MLLT1: variants seen among roughly 807,000 people sequenced by gnomAD.
MLLT1 encodes the protein protein ENL.
Under a neutral mutation model 55.1 loss-of-function variants are expected in MLLT1, and 11 were observed. The observed-to-expected ratio is 0.20, with a 90% CI of 0.13 to 0.33. The LOEUF (loss-of-function observed/expected upper bound fraction) is 0.33, where lower values mean the gene tolerates loss of function less well. Among genes scored for constraint, MLLT1 ranks in the 10% least tolerant of loss-of-function variants. The pLI is 1.00. For missense variants in MLLT1, 536 were observed against 760.6 expected, an observed-to-expected ratio of 0.70 and a Z score of 3.47; for synonymous variants, 323 against 320.1, an observed-to-expected ratio of 1.01 and a Z score of -0.10.
Position 6,222,083 on chromosome 19 carries a change from G to T in MLLT1, c.1110+38C>A. 6.9e-7 allele frequency: 1 copy of T among 1,448,722 alleles called. No individual in the cohort carries two copies. The highest frequency in any genetic ancestry group is 9.1e-7 in the Non-Finnish European group (1 of 1,094,344). The allele number at this position is 1,448,722 out of a possible 1,614,324, so 89.7% of individuals were successfully genotyped here. ...GAAGGGAGGCGGGTCCCACCACACTGCCTGCACCTGGCTGCCCTGCCCCCA... is the reference window on the plus strand; with the variant it reads ...GAAGGGAGGCGGGTCCCACCACACTTCCTGCACCTGGCTGCCCTGCCCCCA... On this transcript the variant is annotated intron_variant, in intron 6 of 11. Coordinates refer to ENST00000252674, the MANE Select transcript of MLLT1 (RefSeq NM_005934.4). This position sits in a 1 kb window ranked among gnomAD's most constrained non-coding sequence, Gnocchi z 4.1.
chr19:6,230,733 A>C lies in MLLT1; in HGVS notation c.277-20T>G, dbSNP rs2091001380. Reference sequence around the variant, plus strand: ...CTCCTCCTGAAACAGAGAAAACAAGAAAGTCTGCATCAGAGGGTGGCCGTG... The same window carrying C: ...CTCCTCCTGAAACAGAGAAAACAAGCAAGTCTGCATCAGAGGGTGGCCGTG... On this transcript the variant is annotated intron_variant, in intron 3 of 11. Coordinates refer to ENST00000252674, the MANE Select transcript of MLLT1 (RefSeq NM_005934.4). The surrounding 1 kb of genome is among the most constrained non-coding windows in gnomAD (Gnocchi z 9.0). 3.1e-6 allele frequency: 5 copies of C among 1,613,470 alleles called. No homozygotes were observed. In the African/African-American group the frequency reaches 5.3e-5, roughly 17 times the overall value.
chr19:6,246,508 G>C (rs764784707), intron 3 of MLLT1, among the ~76,000 whole-genome samples: 1 of 152,160 alleles, frequency 6.6e-6, no homozygotes, highest in Non-Finnish European at 1.5e-5. Flanking sequence ...ATCTAAGTGC[G>C]CTTTGCTAAG....
chr19:6,226,908 C>T lies in MLLT1; in HGVS notation c.546+69G>A, dbSNP rs1379818080. ...AAGGCCCAGCCCAGTGGAGGGAGGG[C>T]GCCGGGGCCAGACCCACCACAGCTG... On this transcript the variant is annotated intron_variant, in intron 5 of 11. Coordinates refer to ENST00000252674, the MANE Select transcript of MLLT1 (RefSeq NM_005934.4). This position sits in a 1 kb window ranked among gnomAD's most constrained non-coding sequence, Gnocchi z 6.3. The T allele has an allele frequency of 2.6e-5, 36 of 1,379,778 alleles. No homozygotes were observed. Among genetic ancestry groups the T allele is most frequent in the Non-Finnish European group, 3.3e-5 (35 of 1,053,404 alleles). The allele number at this position is 1,379,778 out of a possible 1,614,324, so 85.5% of individuals were successfully genotyped here.
At position 6,231,573 on chromosome 19, in the gene MLLT1, G is replaced by A. The variant is rs996020112; in HGVS notation, c.277-860C>T. On this transcript the variant is annotated intron_variant, in intron 3 of 11. Coordinates refer to ENST00000252674, the MANE Select transcript of MLLT1 (RefSeq NM_005934.4). The surrounding 1 kb of genome is among the most constrained non-coding windows in gnomAD (Gnocchi z 5.1). Reference sequence around the variant, plus strand: ...GTTGCCCAGGCTGGAGTGCAGTGGCGCGATCTCGGCTCACTGCAAGCTCCA... The same window carrying A: ...GTTGCCCAGGCTGGAGTGCAGTGGCACGATCTCGGCTCACTGCAAGCTCCA... Among the ~76,000 whole-genome samples the A allele has an allele frequency of 4.6e-5, 7 of 151,782 alleles. No individual in the cohort carries two copies. The highest frequency in any genetic ancestry group is 2.1e-4 in the South Asian group (1 of 4,818).
At chr19:6,241,575 G>A (rs182685538) in intron 3 of MLLT1, among the ~76,000 whole-genome samples, 5 of 152,354 alleles carry the variant, frequency 3.3e-5, no homozygotes, top group South Asian at 2.1e-4. Flanking sequence ...CCTCTGGGCC[G>A]TCCCACCGTC....
In MLLT1 at chr19:6,264,675, G is replaced by T. The variant is rs141160188; in HGVS notation, c.194-2365C>A. ...ATCCTAGGCACTCTGGGAGGCCGAG[G>T]TGGGAGGATCACTTGACACCAGGAG... On this transcript the variant is annotated intron_variant, in intron 2 of 11. Transcript: ENST00000252674. Among the ~76,000 whole-genome samples, 399 of 152,134 alleles carry T rather than the reference G, an allele frequency of 2.6e-3. 3 individuals carry two copies. Among genetic ancestry groups the T allele is most frequent in the Admixed American group, 4.1e-3 (62 of 15,280 alleles).
chr19:6,252,948 A>C (rs2091229687), intron 3 of MLLT1, among the ~76,000 whole-genome samples: 1 of 152,166 alleles, frequency 6.6e-6, no homozygotes, highest in Non-Finnish European at 1.5e-5. Flanking sequence ...ACATAACCTT[A>C]GAAGCAAATT....
chr19:6,270,775 G>T lies in MLLT1; in HGVS notation c.13-16C>A. The T allele has an allele frequency of 6.3e-7, 1 of 1,588,544 alleles. No homozygotes were observed. On this transcript the variant is annotated splice_polypyrimidine_tract_variant and intron_variant, in intron 1 of 11. Coordinates refer to ENST00000252674, the MANE Select transcript of MLLT1 (RefSeq NM_005934.4). This position sits in a 1 kb window ranked among gnomAD's most constrained non-coding sequence, Gnocchi z 7.1. ...GGACGGTGCACTGGAGGAGAGAGAG[G>T]TGGGGAGATGAAGTCAGCACACGCC...
In MLLT1 at chr19:6,211,447, C is replaced by T. The variant is rs1255506628; in HGVS notation, c.*1595G>A. 3.1e-6 allele frequency: 1 copy of T among 322,406 alleles called. No homozygotes were observed. Among genetic ancestry groups the T allele is most frequent in the African/African-American group, 2.1e-5 (1 of 46,832 alleles). 20.0% of individuals were successfully genotyped at this position (322,406 alleles called of 1,614,324 possible). The stretch of plus-strand genomic sequence containing the variant: ...GGGCAGCCTTGGAGGCATGGGTCCC[C>T]ACCAAGGAGTGTTCAGGATCTGCTG... On this transcript the variant is annotated 3_prime_UTR_variant, in exon 12 of 12. Transcript: ENST00000252674. This position sits in a 1 kb window ranked among gnomAD's most constrained non-coding sequence, Gnocchi z 4.6.
intron 3 of MLLT1, among the ~76,000 whole-genome samples, chr19:6,247,045 T>C (rs2091174758): frequency 6.6e-6 from 1 of 152,176 alleles, no homozygotes; most frequent in South Asian, 2.1e-4. Context: ...GGAGCCAGGT[T>C]TCCCCCTTCA....
chr19:6,211,859 T>C lies in MLLT1; in HGVS notation c.*1183A>G, dbSNP rs1429466267. ...ATCTCAGGCATACCAGGAGTGGGGC[T>C]GCGGGCGCGGCACCAGCATGAATTG... On this transcript the variant is annotated 3_prime_UTR_variant, in exon 12 of 12. Transcript: ENST00000252674. This position sits in a 1 kb window ranked among gnomAD's most constrained non-coding sequence, Gnocchi z 4.6. 11 of 1,063,944 alleles carry C rather than the reference T, an allele frequency of 1.0e-5. No homozygotes were observed. Among genetic ancestry groups the C allele is most frequent in the Non-Finnish European group, 1.1e-5 (10 of 878,390 alleles). The allele number at this position is 1,063,944 out of a possible 1,614,324, so 65.9% of individuals were successfully genotyped here. A position where few individuals can be genotyped will look rare whatever the true frequency, so the allele number is the denominator to read the frequency against.
intron 6 of MLLT1, among the ~76,000 whole-genome samples, chr19:6,218,499 G>A (rs546457401): frequency 6.6e-6 from 1 of 152,352 alleles, no homozygotes; most frequent in East Asian, 1.9e-4. Flanking sequence ...TGCTGTCCGG[G>A]GCTCAGGGGT....
intron 3 of MLLT1, among the ~76,000 whole-genome samples, chr19:6,257,553 C>T (rs1007569640): frequency 6.6e-6 from 1 of 152,216 alleles, no homozygotes; most frequent in Admixed American, 6.5e-5. Context: ...GTAATCCCAG[C>T]ACTTTGGGAG....
chr19:6,265,369 CA>C (rs1313252598), intron 2 of MLLT1, among the ~76,000 whole-genome samples: 1 of 152,128 alleles, frequency 6.6e-6, no homozygotes, highest in East Asian at 1.9e-4. Context: ...ATCATGTCAG[CA>C]CTCAAAAAGT....
At chr19:6,233,649 G>T (rs1442880311) in intron 3 of MLLT1, among the ~76,000 whole-genome samples, 2 of 152,246 alleles carry the variant, frequency 1.3e-5, no homozygotes, top group African/African-American at 4.8e-5. Context: ...GAGAGGTGGT[G>T]CCTGTGGGGG....
intron 7 of MLLT1, among the ~76,000 whole-genome samples, chr19:6,217,161 C>G (rs1270108454): frequency 6.6e-6 from 1 of 152,120 alleles, no homozygotes; most frequent in African/African-American, 2.4e-5. Context: ...ACACTTGGAG[C>G]GAGTGTAGGC....
Position 6,213,810 on chromosome 19 carries a change from C to G in MLLT1, c.1408-13G>C. 6.2e-7 allele frequency: 1 copy of G among 1,612,908 alleles called. No individual in the cohort carries two copies. The highest frequency in any genetic ancestry group is 1.1e-5 in the South Asian group (1 of 91,052). ...TCCGGCCTGACACCTGCAGGGAACC[C>G]AGGTCTCTGCTGAGCTGTGGCCCAC... On this transcript the variant is annotated splice_polypyrimidine_tract_variant and intron_variant, in intron 9 of 11. Transcript: ENST00000252674.
At position 6,230,214 on chromosome 19, in the gene MLLT1, GGCAGGGGCCCTGTGCGGAGGCCCTGCCCA is replaced by G. The variant is rs1568280980; in HGVS notation, c.420+327_420+355del. ...AGTCAGAGGTGATGGCGATGCGCAC[GGCAGGGGCCCTGTGCGGAGGCCCTGCCCA>G]GCTAGTTACAAGCCAGCTCCAGGCC... On this transcript the variant is annotated intron_variant, in intron 4 of 11. Transcript: ENST00000252674. The surrounding 1 kb of genome is among the most constrained non-coding windows in gnomAD (Gnocchi z 9.0). Among the ~76,000 whole-genome samples, 1 of 152,104 alleles carries G rather than the reference GGCAGGGGCCCTGTGCGGAGGCCCTGCCCA, an allele frequency of 6.6e-6. No individual in the cohort carries two copies. Among genetic ancestry groups the G allele is most frequent in the Non-Finnish European group, 1.5e-5 (1 of 68,002 alleles).
chr19:6,273,554 A>G lies in MLLT1; in HGVS notation c.13-2795T>C, dbSNP rs926886659. Among the ~76,000 whole-genome samples the G allele has an allele frequency of 1.3e-5, 2 of 152,214 alleles. No individual in the cohort carries two copies. Among genetic ancestry groups the G allele is most frequent in the Non-Finnish European group, 2.9e-5 (2 of 68,038 alleles). ...CGAGTGTCTGCCTGAACACCACCGC[A>G]TTCCAACAAACCCAAAACAACACTG... On this transcript the variant is annotated intron_variant, in intron 1 of 11. Coordinates refer to ENST00000252674, the MANE Select transcript of MLLT1 (RefSeq NM_005934.4). The surrounding 1 kb of genome is among the most constrained non-coding windows in gnomAD (Gnocchi z 4.3).
Sources: allele counts gnomAD v4.1 joint callset (sites outside exome capture counted in the v4.1 genomes callset), GRCh38; gene constraint gnomAD v4.1.1; non-coding constraint Gnocchi (gnomAD v3.1); transcripts MANE v1.5; gene names NCBI Gene and HGNC (gene_info 2026-07-23, HGNC 2026-07-21).